Variants in COL14A1 observed in about 807,000 individuals in gnomAD.
The protein encoded by COL14A1 is collagen type XIV alpha 1 chain.
A neutral mutation model predicts 230.3 loss-of-function variants in COL14A1; 136 were observed. The ratio of observed to expected loss-of-function variants is 0.59; its 90% CI spans 0.51 to 0.68. The LOEUF is 0.68. COL14A1 is among the 30% of genes least tolerant of loss of function. The pLI, the probability that COL14A1 is intolerant of heterozygous loss-of-function variation, is 0.00. For missense variants in COL14A1, 1,976 were observed against 2,215.8 expected (o/e 0.89, Z 2.17); for synonymous variants, 792 against 784.1 (o/e 1.01, Z -0.17).
At chr8:120,164,607 A>G (rs889320639) in intron 4 of COL14A1, among the ~76,000 whole-genome samples, 1 of 152,234 alleles carries the variant, frequency 6.6e-6, no homozygotes, top group African/African-American at 2.4e-5. Flanking sequence ...AAACTTCTGA[A>G]CAAAGACATT....
intron 26 of COL14A1, chr8:120,277,503 A>G (rs1341848970): frequency 6.6e-6 from 1 of 152,166 alleles, no homozygotes; most frequent in Non-Finnish European, 1.5e-5. Context: ...ACAGTAACAA[A>G]CATGGAATGC....
chr8:120,206,146 G>T (rs1817422554), intron 9 of COL14A1, among the ~76,000 whole-genome samples: 1 of 152,122 alleles, frequency 6.6e-6, no homozygotes, highest in South Asian at 2.1e-4. Flanking sequence ...ATAGACTCTT[G>T]TGTCAAGCCC....
chr8:120,178,472 A>G (rs1816358615), intron 5 of COL14A1, among the ~76,000 whole-genome samples: 1 of 152,170 alleles, frequency 6.6e-6, no homozygotes, highest in Non-Finnish European at 1.5e-5. Context: ...TATCCAGTCA[A>G]TCATTGATAG....
chr8:120,136,959 C>CAAAAAA (rs34417716), intron 1 of COL14A1, among the ~76,000 whole-genome samples: 3 of 62,906 alleles, frequency 4.8e-5, no homozygotes, highest in Non-Finnish European at 8.0e-5. Flanking sequence ...GAGTCTGTCT[C>CAAAAAA]AAAAAAAAAA....
intron 28 of COL14A1, among the ~76,000 whole-genome samples, chr8:120,279,019 A>G (rs1819944977): frequency 6.6e-6 from 1 of 152,122 alleles, no homozygotes; most frequent in Admixed American, 6.6e-5. Flanking sequence ...ATGAAGCTGG[A>G]AACCATCATC....
intron 2 of COL14A1, among the ~76,000 whole-genome samples, chr8:120,157,572 G>A (rs77602781): frequency 0.025 from 3,810 of 152,264 alleles, 55 homozygotes; most frequent in African/African-American, 0.039. Flanking sequence ...CTTGGTCTTA[G>A]TTCTTTGTCA....
intron 46 of COL14A1, 105 bp downstream of exon 46, chr8:120,367,353 A>C: frequency 1.1e-6 from 1 of 878,476 alleles, no homozygotes; most frequent in Non-Finnish European, 1.8e-6. Context: ...TGTAACTTAA[A>C]TGGCTGTATT....
chr8:120,350,883 G>A (rs891333705), intron 45 of COL14A1, among the ~76,000 whole-genome samples: 26 of 151,182 alleles, frequency 1.7e-4, no homozygotes, highest in South Asian at 8.5e-4. Context: ...TGCACCAAGC[G>A]GACCTAATAG....
At chr8:120,341,489 T>C in intron 43 of COL14A1, 129 bp downstream of exon 43, 1 of 1,019,660 alleles carries the variant, frequency 9.8e-7, no homozygotes. Flanking sequence ...TGTTTCTCCC[T>C]TTCCCCAATT....
intron 15 of COL14A1, 92 bp from the exon 16 acceptor site, chr8:120,226,535 T>G (rs1289808813): frequency 7.3e-7 from 1 of 1,366,670 alleles, no homozygotes; most frequent in East Asian, 2.3e-5. Flanking sequence ...AAAAGATTCC[T>G]CAAAGAGTCT....
chr8:120,354,582 A>C (rs983149223), intron 45 of COL14A1, among the ~76,000 whole-genome samples: 1 of 152,146 alleles, frequency 6.6e-6, no homozygotes, highest in Non-Finnish European at 1.5e-5. Flanking sequence ...AGAAGATTGC[A>C]CTTTTGCTCC....
At chr8:120,335,194 T>C (rs1822011544) in intron 42 of COL14A1, among the ~76,000 whole-genome samples, 1 of 152,170 alleles carries the variant, frequency 6.6e-6, no homozygotes, top group Non-Finnish European at 1.5e-5. Flanking sequence ...GTAACTATGA[T>C]AGCACCCTGC....
intron 21 of COL14A1, among the ~76,000 whole-genome samples, chr8:120,249,091 TA>T (rs1818857787): frequency 9.3e-6 from 1 of 107,610 alleles, no homozygotes; most frequent in Admixed American, 1.0e-4. Flanking sequence ...CACGCCCGGC[TA>T]ATTTTTTTTT....
intron 21 of COL14A1, among the ~76,000 whole-genome samples, chr8:120,249,889 G>T (rs1347894478): frequency 2.6e-5 from 4 of 152,124 alleles, no homozygotes; most frequent in African/African-American, 9.7e-5. Flanking sequence ...GTTGGAAGGG[G>T]GCTTCTGGAG....
intron 47 of COL14A1, among the ~76,000 whole-genome samples, chr8:120,370,072 T>C (rs1352213613): frequency 6.6e-6 from 1 of 152,186 alleles, no homozygotes; most frequent in African/African-American, 2.4e-5. Flanking sequence ...AAGAATATGC[T>C]TCCTAAAACA....
chr8:120,152,756 C>T (rs1815331857), intron 2 of COL14A1, among the ~76,000 whole-genome samples: 1 of 152,102 alleles, frequency 6.6e-6, no homozygotes, highest in African/African-American at 2.4e-5. Flanking sequence ...GTGATGGGAT[C>T]CACACTTTCT....
chr8:120,298,638 T>TAC lies in COL14A1; in HGVS notation c.4314+1052_4314+1053dup, dbSNP rs1554620763. Reference sequence around the variant, plus strand: ...ATATATATATATATATATATATATATACAAAAATACAGATTTATATCTTAG... The same window carrying TAC: ...ATATATATATATATATATATATATATACACAAAAATACAGATTTATATCTTAG... On this transcript the variant is annotated intron_variant, in intron 35 of 47. Coordinates refer to ENST00000297848, the MANE Select transcript of COL14A1 (RefSeq NM_021110.4). 4.4e-3 allele frequency among the ~76,000 whole-genome samples: 526 copies of TAC among 118,886 alleles called. 7 individuals are homozygous for TAC. Among genetic ancestry groups the TAC allele is most frequent in the African/African-American group, 0.015 (458 of 30,964 alleles). 78.0% of individuals were successfully genotyped at this position (118,886 alleles called of 152,430 possible). A position where few individuals can be genotyped will look rare whatever the true frequency, so the allele number is the denominator to read the frequency against.
At chr8:120,329,149 A>T (rs943771106) in intron 40 of COL14A1, among the ~76,000 whole-genome samples, 2 of 152,220 alleles carry the variant, frequency 1.3e-5, no homozygotes, top group Admixed American at 6.5e-5. Flanking sequence ...AACTTATTTT[A>T]AAAAATGAGT....
intron 2 of COL14A1, among the ~76,000 whole-genome samples, chr8:120,156,531 G>A (rs1206642398): frequency 6.6e-6 from 1 of 152,176 alleles, no homozygotes; most frequent in Admixed American, 6.5e-5. Flanking sequence ...TGGGGTCAGA[G>A]ATTGTCCTTC....
Sources: gnomAD v4.1 joint callset for allele counts (sites outside exome capture counted in the v4.1 genomes callset) on GRCh38, gnomAD v4.1.1 for gene constraint, MANE v1.5 for transcripts, NCBI Gene and HGNC (gene_info 2026-07-23, HGNC 2026-07-21) for gene names.